The following TOX variants were observed in gnomAD, a reference collection of about 807,000 sequenced individuals.
TOX encodes thymocyte selection-associated high mobility group box protein TOX.
A neutral mutation model predicts 53.7 loss-of-function variants in TOX; 11 were observed. The observed-to-expected ratio is 0.20, with a 90% CI of 0.13 to 0.34. TOX has a LOEUF of 0.34. Among genes scored for constraint, TOX ranks in the 10% least tolerant of loss-of-function variants. TOX has a pLI of 1.00. For synonymous variants in TOX, 225 were observed against 245.3 expected (o/e 0.92, Z 0.77); for missense variants, 570 against 664.6 (o/e 0.86, Z 1.56).
intron 1 of TOX, among the ~76,000 whole-genome samples, chr8:59,043,201 C>CTGTGTGTGTGTGTGTGTG (rs10660376): frequency 2.2e-4 from 33 of 147,998 alleles, no homozygotes; most frequent in African/African-American, 8.2e-4. Context: ...ACTTTCTTTT[C>CTGTGTGTGTGTGTGTGTG]TGTGTGTGTG....
chr8:59,001,027 G>T (rs569336582), intron 1 of TOX, among the ~76,000 whole-genome samples: 183 of 152,168 alleles, frequency 1.2e-3, no homozygotes, highest in Middle Eastern at 6.8e-3. Flanking sequence ...AAAGAATTAT[G>T]ATAGCAAGCT....
At chr8:58,899,952 A>C (rs1811706966) in intron 3 of TOX, among the ~76,000 whole-genome samples, 1 of 151,898 alleles carries the variant, frequency 6.6e-6, no homozygotes, top group Non-Finnish European at 1.5e-5. Context: ...CTGTTTCAAC[A>C]AATATATTTT....
At chr8:58,984,482 G>C (rs1235962560) in intron 1 of TOX, among the ~76,000 whole-genome samples, 1 of 152,110 alleles carries the variant, frequency 6.6e-6, no homozygotes, top group Non-Finnish European at 1.5e-5. Context: ...ACACCTGTTA[G>C]GATGGCTATC....
At chr8:58,828,175 C>T (rs759455190) in intron 5 of TOX, among the ~76,000 whole-genome samples, 4 of 152,144 alleles carry the variant, frequency 2.6e-5, no homozygotes, top group Middle Eastern at 3.2e-3. Flanking sequence ...CTGAGCCCAA[C>T]GCCAGCTATG....
chr8:58,885,149 G>A (rs1053497993), intron 3 of TOX, among the ~76,000 whole-genome samples: 1 of 151,944 alleles, frequency 6.6e-6, no homozygotes. Flanking sequence ...TAGATTAATG[G>A]GTTATATGTG....
chr8:58,868,862 C>T (rs1319444370), intron 3 of TOX, among the ~76,000 whole-genome samples: 1 of 123,904 alleles, frequency 8.1e-6, no homozygotes, highest in Non-Finnish European at 1.8e-5. Flanking sequence ...AGGAAAAGAA[C>T]AGGAAAAAAA....
At chr8:58,861,212 A>G (rs904500268) in intron 3 of TOX, among the ~76,000 whole-genome samples, 1 of 152,242 alleles carries the variant, frequency 6.6e-6, no homozygotes, top group African/African-American at 2.4e-5. Flanking sequence ...ATAACTGCAG[A>G]TAATGGCAGG....
intron 3 of TOX, among the ~76,000 whole-genome samples, chr8:58,909,746 C>G (rs1195039886): frequency 3.9e-5 from 6 of 151,936 alleles, no homozygotes; most frequent in Non-Finnish European, 7.4e-5. Flanking sequence ...CAACCTCCAC[C>G]TCCTGGGTTC....
intron 1 of TOX, among the ~76,000 whole-genome samples, chr8:59,068,819 G>T (rs1238151127): frequency 6.6e-6 from 1 of 152,140 alleles, no homozygotes; most frequent in South Asian, 2.1e-4. Context: ...TCATCCTAAA[G>T]TTAAGATAAG....
At chr8:58,838,697 G>GTTTTTTTTTTTTTTTTTTT (rs1810590539) in intron 4 of TOX, among the ~76,000 whole-genome samples, 7 of 76,668 alleles carry the variant, frequency 9.1e-5, no homozygotes, top group African/African-American at 2.4e-4. Flanking sequence ...AGTTATCCTT[G>GTTTTTTTTTTTTTTTTTTT]TCTTTTTTTT....
intron 1 of TOX, among the ~76,000 whole-genome samples, chr8:58,986,972 TA>T (rs1349028752): frequency 6.6e-6 from 1 of 152,232 alleles, no homozygotes; most frequent in Non-Finnish European, 1.5e-5. Context: ...GAGTAAAGCC[TA>T]AATTAGAAAC....
intron 1 of TOX, among the ~76,000 whole-genome samples, chr8:59,090,411 A>G (rs1804589266): frequency 6.6e-6 from 1 of 152,226 alleles, no homozygotes; most frequent in South Asian, 2.1e-4. Flanking sequence ...TCTAATGTCA[A>G]GAGGCGGACA....
At chr8:58,974,071 T>A (rs543448269) in intron 1 of TOX, among the ~76,000 whole-genome samples, 2 of 152,284 alleles carry the variant, frequency 1.3e-5, no homozygotes, top group South Asian at 4.1e-4. Context: ...GTGCTGTAAT[T>A]ACGAGTGTGA....
chr8:58,998,844 T>C (rs1297829279), intron 1 of TOX, among the ~76,000 whole-genome samples: 1 of 151,716 alleles, frequency 6.6e-6, no homozygotes, highest in African/African-American at 2.4e-5. Flanking sequence ...TCTCAAACAA[T>C]AGGACAGGTA....
At chr8:59,064,788 C>T (rs909995429) in intron 1 of TOX, among the ~76,000 whole-genome samples, 1 of 152,050 alleles carries the variant, frequency 6.6e-6, no homozygotes, top group African/African-American at 2.4e-5. Context: ...TAGAATAAAA[C>T]AAGAAATTTT....
At chr8:58,832,873 T>C (rs556059249) in intron 5 of TOX, among the ~76,000 whole-genome samples, 1 of 152,344 alleles carries the variant, frequency 6.6e-6, no homozygotes, top group South Asian at 2.1e-4. Context: ...GCTATTGAGC[T>C]GAACTGCTAT....
At chr8:59,103,542 T>G (rs1014978650) in intron 1 of TOX, among the ~76,000 whole-genome samples, 10 of 152,188 alleles carry the variant, frequency 6.6e-5, no homozygotes, top group Admixed American at 2.0e-4. Context: ...ACATATTGCT[T>G]AAAGATGAAA....
At chr8:58,947,968 C>T (rs551869264) in intron 2 of TOX, among the ~76,000 whole-genome samples, 1 of 152,290 alleles carries the variant, frequency 6.6e-6, no homozygotes, top group South Asian at 2.1e-4. Flanking sequence ...AAGACTGGTC[C>T]CACCAATCAA....
At chr8:58,959,533 A>G (rs1390853862) in intron 2 of TOX, among the ~76,000 whole-genome samples, 7 of 152,196 alleles carry the variant, frequency 4.6e-5, no homozygotes, top group African/African-American at 1.7e-4. Context: ...GATTTGGGTT[A>G]CGAACGTTAC....
Sources: gnomAD v4.1 joint callset for allele counts (sites outside exome capture counted in the v4.1 genomes callset) on GRCh38, gnomAD v4.1.1 for gene constraint, MANE v1.5 for transcripts, NCBI Gene and HGNC (gene_info 2026-07-23, HGNC 2026-07-21) for gene names.